The following TBCD variants were observed in gnomAD, a reference collection of about 807,000 sequenced individuals.
TBCD encodes tubulin-specific chaperone D.
Under a neutral mutation model 169.3 loss-of-function variants are expected in TBCD, and 105 were observed. The observed-to-expected ratio is 0.62, with a 90% CI of 0.53 to 0.73. The LOEUF (loss-of-function observed/expected upper bound fraction) is 0.73, where lower values mean the gene tolerates loss of function less well. TBCD is among the 30% of genes least tolerant of loss of function. TBCD has a pLI of 0.00. For missense variants in TBCD, 1,444 were observed against 1,600.1 expected, an observed-to-expected ratio of 0.90 and a Z score of 1.66; for synonymous variants, 700 against 643.9, an observed-to-expected ratio of 1.09 and a Z score of -1.32.
intron 27 of TBCD, 24 bp downstream of exon 27, chr17:82,925,081 A>C: frequency 6.5e-7 from 1 of 1,533,082 alleles, no homozygotes; most frequent in Non-Finnish European, 8.8e-7. Flanking sequence ...CGCGCAGTGG[A>C]CGGGGCCTAG....
chr17:82,889,570 C>T lies in TBCD; in HGVS notation c.1534-98C>T, dbSNP rs766621331. The T allele has an allele frequency of 1.3e-5, 18 of 1,432,780 alleles. No individual in the cohort carries two copies. Among genetic ancestry groups the T allele is most frequent in the Admixed American group, 5.5e-5 (3 of 54,972 alleles). 88.8% of individuals were successfully genotyped at this position (1,432,780 alleles called of 1,614,324 possible). On this transcript the variant is annotated intron_variant, in intron 15 of 38. Coordinates refer to ENST00000355528, the MANE Select transcript of TBCD (RefSeq NM_005993.5). This position sits in a 1 kb window ranked among gnomAD's most constrained non-coding sequence, Gnocchi z 5.3. ...AGGGCTTTTATTTAAAAAATAAAGC[C>T]GTGGGTCATTCACGTTGTGCTGTTT...
rs538766830 is a variant in TBCD at position 82,826,136 on chromosome 17, TAACATA to T, written c.1318+11212_1318+11217del. On this transcript the variant is annotated intron_variant, in intron 13 of 38. Transcript: ENST00000355528. ...ATCATTTATCTGCAACGAAAGAAAA[TAACATA>T]AACATAAACTTCAACTTTTGCATTT... Among the ~76,000 whole-genome samples, 367 of 152,298 alleles carry T rather than the reference TAACATA, an allele frequency of 2.4e-3. 2 individuals are homozygous for T. The highest frequency in any genetic ancestry group is 0.012 in the South Asian group (58 of 4,828).
At chr17:82,836,086 C>G in intron 13 of TBCD, among the ~76,000 whole-genome samples, 1 of 151,752 alleles carries the variant, frequency 6.6e-6, no homozygotes, top group African/African-American at 2.4e-5. Flanking sequence ...TCTAATTTCC[C>G]CCTATTAGAA....
chr17:82,861,499 C>T (rs1323016865), intron 13 of TBCD, among the ~76,000 whole-genome samples: 1 of 152,204 alleles, frequency 6.6e-6, no homozygotes, highest in Non-Finnish European at 1.5e-5. Flanking sequence ...TATTGATAAT[C>T]ATCCCTTAAA....
At chr17:82,940,836 G>C (rs529172851) in intron 37 of TBCD, among the ~76,000 whole-genome samples, 1 of 152,096 alleles carries the variant, frequency 6.6e-6, no homozygotes, top group Non-Finnish European at 1.5e-5. Flanking sequence ...CAGGTGTCCC[G>C]AGCGGGGCGA....
At chr17:82,837,234 AG>A (rs2054065560) in intron 13 of TBCD, among the ~76,000 whole-genome samples, 1 of 152,206 alleles carries the variant, frequency 6.6e-6, no homozygotes, top group Non-Finnish European at 1.5e-5. Flanking sequence ...ATAAGGATGA[AG>A]AAACCAAACC....
chr17:82,912,545 C>T (rs1319325847), intron 23 of TBCD, among the ~76,000 whole-genome samples: 3 of 152,254 alleles, frequency 2.0e-5, no homozygotes, highest in African/African-American at 4.8e-5. Context: ...GCCCATCCCA[C>T]GCCACCCTCA....
chr17:82,819,347 G>A (rs979962973), intron 13 of TBCD, among the ~76,000 whole-genome samples: 2 of 152,148 alleles, frequency 1.3e-5, no homozygotes, highest in Admixed American at 6.5e-5. Flanking sequence ...TTTTCTTTGG[G>A]TTACTTTTTA....
At chr17:82,876,091 G>T (rs1467460497) in intron 14 of TBCD, among the ~76,000 whole-genome samples, 1 of 151,546 alleles carries the variant, frequency 6.6e-6, no homozygotes, top group African/African-American at 2.4e-5. Flanking sequence ...GCTTTTTATT[G>T]CTATAAAATA....
In TBCD at chr17:82,903,552, G is replaced by A; in HGVS notation, c.1804+74G>A. 1 of 1,414,858 alleles carries A rather than the reference G, an allele frequency of 7.1e-7. No homozygotes were observed. Among genetic ancestry groups the A allele is most frequent in the Non-Finnish European group, 9.7e-7 (1 of 1,030,102 alleles). 87.6% of individuals were successfully genotyped at this position (1,414,858 alleles called of 1,614,324 possible). On this transcript the variant is annotated intron_variant, in intron 19 of 38. Coordinates refer to ENST00000355528, the MANE Select transcript of TBCD (RefSeq NM_005993.5). This position sits in a 1 kb window ranked among gnomAD's most constrained non-coding sequence, Gnocchi z 4.8. ...AAAGGCCTGGGTTGCTGGTTTCAAA[G>A]GCTGGGGGCTGAAAATAAGGTTGTG... is the stretch of plus-strand genomic sequence containing the variant.
At chr17:82,834,515 A>G (rs2053798240) in intron 13 of TBCD, among the ~76,000 whole-genome samples, 1 of 152,238 alleles carries the variant, frequency 6.6e-6, no homozygotes, top group African/African-American at 2.4e-5. Context: ...GCACATATAC[A>G]CCATGGAATA....
intron 13 of TBCD, chr17:82,838,531 C>A: frequency 1.9e-6 from 1 of 527,142 alleles, no homozygotes; most frequent in Non-Finnish European, 2.4e-6. Flanking sequence ...GAAGGGCATG[C>A]TGTAATTACA....
At chr17:82,814,982 C>G in intron 13 of TBCD, 48 bp downstream of exon 13, 1 of 1,605,438 alleles carries the variant, frequency 6.2e-7, no homozygotes, top group Non-Finnish European at 8.5e-7. Context: ...GCTGGCGGAG[C>G]TGGGCAGGAG....
chr17:82,774,093 TCA>T (rs2048441180), intron 6 of TBCD, among the ~76,000 whole-genome samples: 1 of 151,236 alleles, frequency 6.6e-6, no homozygotes, highest in African/African-American at 2.4e-5. Context: ...TGGGTGTTTC[TCA>T]GAGAGGGGGA....
rs949002448 is a variant in TBCD, at chr17:82,890,202, C to T, written c.1563+505C>T. Among the ~76,000 whole-genome samples the T allele has an allele frequency of 2.6e-5, 4 of 152,334 alleles. No homozygotes were observed. Among genetic ancestry groups the T allele is most frequent in the South Asian group, 2.1e-4 (1 of 4,830 alleles). ...CTGACATCTGGTCACTGGTCAGCTT[C>T]GCCTGTGAATGGGGGGCCCCAGGTT... is the stretch of plus-strand genomic sequence containing the variant. On this transcript the variant is annotated intron_variant, in intron 16 of 38. Coordinates refer to ENST00000355528, the MANE Select transcript of TBCD (RefSeq NM_005993.5). This position sits in a 1 kb window ranked among gnomAD's most constrained non-coding sequence, Gnocchi z 5.3.
intron 7 of TBCD, among the ~76,000 whole-genome samples, chr17:82,791,298 A>T (rs879609324): frequency 2.6e-5 from 4 of 151,986 alleles, no homozygotes; most frequent in Non-Finnish European, 4.4e-5. Flanking sequence ...TCACCGTGTT[A>T]GCCAGGATGG....
intron 14 of TBCD, among the ~76,000 whole-genome samples, chr17:82,878,566 G>A (rs1371921468): frequency 6.6e-6 from 1 of 151,714 alleles, no homozygotes; most frequent in African/African-American, 2.4e-5. Context: ...TCCGTGTGCT[G>A]TTGGGCCCAT....
intron 23 of TBCD, among the ~76,000 whole-genome samples, chr17:82,919,155 C>T (rs981553926): frequency 2.6e-5 from 4 of 152,146 alleles, no homozygotes; most frequent in African/African-American, 7.2e-5. Context: ...TCTCGCCCGG[C>T]GCTTCCTTTC....
In TBCD at chr17:82,923,098, A is replaced by C. The variant is rs1250974873; in HGVS notation, c.2179-554A>C. Among the ~76,000 whole-genome samples, 1 of 152,208 alleles carries C rather than the reference A, an allele frequency of 6.6e-6. No individual in the cohort carries two copies. Among genetic ancestry groups the C allele is most frequent in the African/African-American group, 2.4e-5 (1 of 41,514 alleles). ...CCCCGGAGCCCTGTCTCTCTAAATG[A>C]GGCTGACGTGGCTTGGCCTGAAGGC... On this transcript the variant is annotated intron_variant, in intron 25 of 38. Transcript: ENST00000355528. This position sits in a 1 kb window ranked among gnomAD's most constrained non-coding sequence, Gnocchi z 4.6.
Sources: gnomAD v4.1 joint callset for allele counts (sites outside exome capture counted in the v4.1 genomes callset) on GRCh38, gnomAD v4.1.1 for gene constraint, Gnocchi (gnomAD v3.1) non-coding constraint, MANE v1.5 for transcripts, NCBI Gene and HGNC (gene_info 2026-07-23, HGNC 2026-07-21) for gene names.